Variants in NUCB1 observed in about 807,000 individuals in gnomAD.
The protein encoded by NUCB1 is nucleobindin-1.
Under a neutral mutation model 61.2 loss-of-function variants are expected in NUCB1, and 47 were observed. That is an observed-to-expected ratio of 0.77 (90% CI 0.61 to 0.98). The LOEUF is 0.98. NUCB1 is among the 50% of genes least tolerant of loss of function. The probability of loss-of-function intolerance (pLI) is 0.00; values close to 1 mark genes in which losing one functional copy is unlikely to be tolerated. For synonymous variants in NUCB1, 234 were observed against 243.1 expected (o/e 0.96, Z 0.35); for missense variants, 583 against 605.3 (o/e 0.96, Z 0.39).
At chr19:48,907,775 A>C (rs76470840) in intron 4 of NUCB1, among the ~76,000 whole-genome samples, 1 of 151,996 alleles carries the variant, frequency 6.6e-6, no homozygotes, top group Non-Finnish European at 1.5e-5. Flanking sequence ...GCCCGCATTC[A>C]TGTTCCTCTT....
chr19:48,905,803 C>T lies in NUCB1; in HGVS notation c.294C>T (p.Thr98=). ...ELDFVSHHVR[T]KLDELKRQEV... ...ACTTTGTCAGCCACCACGTCCGCACCAAGCTGGATGAGCTCAAGCGACAGG... is the reference window on the plus strand; with the variant it reads ...ACTTTGTCAGCCACCACGTCCGCACTAAGCTGGATGAGCTCAAGCGACAGG... Residue 98 remains threonine, a synonymous_variant, in exon 4 of 13, where the codon ACC becomes ACT. Transcript: ENST00000405315. 1 of 1,613,464 alleles carries T rather than the reference C, an allele frequency of 6.2e-7. No homozygotes were observed. Among genetic ancestry groups the T allele is most frequent in the Non-Finnish European group, 8.5e-7 (1 of 1,179,766 alleles).
intron 3 of NUCB1, among the ~76,000 whole-genome samples, chr19:48,904,682 C>G (rs2037393936): frequency 6.6e-6 from 1 of 152,076 alleles, no homozygotes; most frequent in African/African-American, 2.4e-5. Context: ...CACCACCATG[C>G]CTGACTAATT....
rs375691088 is a variant in NUCB1 at position 48,913,170 on chromosome 19, C to T, written c.640C>T (p.Arg214Cys). Residue 214 changes from arginine to cysteine, a missense_variant, in exon 6 of 13, where the codon CGC (arginine) becomes TGC (cysteine). Arg to Cys is a radical substitution (Grantham distance 180). Coordinates refer to ENST00000405315, the MANE Select transcript of NUCB1 (RefSeq NM_006184.6). ...GCTGGAAGAGCAACAGCGCCGGCAC[C>T]GCGAGCACCCTAAAGTCAACGTGCC... ...RKLEEQQRRH[R>C]EHPKVNVPGS... 8 of 1,613,328 alleles carry T rather than the reference C, an allele frequency of 5.0e-6. No individual in the cohort carries two copies. The highest frequency in any genetic ancestry group is 1.7e-5 in the Admixed American group (1 of 59,798).
intron 7 of NUCB1, among the ~76,000 whole-genome samples, chr19:48,917,312 T>C (rs192733743): frequency 6.6e-6 from 1 of 152,090 alleles, no homozygotes; most frequent in Non-Finnish European, 1.5e-5. Context: ...TCCCTATACC[T>C]TTTTTTATTT....
intron 4 of NUCB1, among the ~76,000 whole-genome samples, chr19:48,909,816 A>T (rs2037452499): frequency 6.6e-6 from 1 of 152,116 alleles, no homozygotes. Flanking sequence ...TGCTGGGATT[A>T]CAGGCATGAG....
intron 4 of NUCB1, among the ~76,000 whole-genome samples, chr19:48,908,183 T>C (rs2037432219): frequency 6.6e-6 from 1 of 152,112 alleles, no homozygotes; most frequent in South Asian, 2.1e-4. Context: ...CAGGCTGGAG[T>C]GCAGTGGCGC....
chr19:48,905,707 A>C (rs778545384), intron 3 of NUCB1, 46 bp from the exon 4 acceptor site: 3 of 1,610,750 alleles, frequency 1.9e-6, no homozygotes, highest in Non-Finnish European at 2.5e-6. Flanking sequence ...TCCAGAGAAG[A>C]CAGAGAGCAG....
intron 3 of NUCB1, among the ~76,000 whole-genome samples, chr19:48,904,903 T>A (rs1171317558): frequency 6.6e-6 from 1 of 152,162 alleles, no homozygotes; most frequent in Non-Finnish European, 1.5e-5. Context: ...AGGGAGAAGT[T>A]GCTTCTTGGG....
chr19:48,905,955 A>T (rs2037407585), intron 4 of NUCB1, 70 bp downstream of exon 4: 1 of 1,436,168 alleles, frequency 7.0e-7, no homozygotes, highest in African/African-American at 1.6e-5. Flanking sequence ...CCCGGCCTCC[A>T]GGTGGTTGTG....
intron 10 of NUCB1, 33 bp downstream of exon 10, chr19:48,919,319 CCTCT>C (rs769787473): frequency 5.2e-5 from 79 of 1,511,128 alleles, no homozygotes; most frequent in Non-Finnish European, 6.3e-5. Flanking sequence ...GGGTCCTGAA[CCTCT>C]CTCTCTTCTA....
At chr19:48,901,842 C>G (rs2037356175) in intron 2 of NUCB1, among the ~76,000 whole-genome samples, 1 of 152,174 alleles carries the variant, frequency 6.6e-6, no homozygotes, top group Non-Finnish European at 1.5e-5. Flanking sequence ...TGTTCCTGGT[C>G]CCCACGCTGC....
intron 10 of NUCB1, 63 bp from the exon 11 acceptor site, chr19:48,921,091 C>T (rs2037604047): frequency 2.6e-6 from 4 of 1,524,406 alleles, no homozygotes; most frequent in Non-Finnish European, 3.5e-6. Flanking sequence ...GCACAACCCT[C>T]TCCAACATGG....
intron 7 of NUCB1, among the ~76,000 whole-genome samples, chr19:48,916,171 C>CGTGT (rs143557740): frequency 0.038 from 5,581 of 147,746 alleles, 264 homozygotes; most frequent in African/African-American, 0.12. Flanking sequence ...TGGTATTTGT[C>CGTGT]GTGTGTGTGT....
intron 7 of NUCB1, among the ~76,000 whole-genome samples, chr19:48,915,488 G>C (rs556749028): frequency 1.0e-3 from 152 of 152,210 alleles, no homozygotes; most frequent in African/African-American, 3.5e-3. Context: ...CTGGGCAACA[G>C]AGTGAGACTC....
chr19:48,919,452 CTTATTTATTTATTTATTTAT>C (rs35642334), intron 10 of NUCB1, among the ~76,000 whole-genome samples, 166 bp downstream of exon 10: 1 of 141,854 alleles, frequency 7.0e-6, no homozygotes, highest in Non-Finnish European at 1.5e-5. Flanking sequence ...CTCTAGGACT[CTTATTTATTTATTTATTTAT>C]TTATTTATTT....
Position 48,904,431 on chromosome 19 carries a change from G to C in NUCB1, c.220G>C (p.Ala74Pro). The C allele has an allele frequency of 6.2e-7, 1 of 1,613,218 alleles. No homozygotes were observed. Residue 74 changes from alanine to proline, a missense_variant, in exon 3 of 13, where the codon GCT becomes CCT. Ala to Pro is a conservative substitution (Grantham distance 27). Coordinates refer to ENST00000405315, the MANE Select transcript of NUCB1 (RefSeq NM_006184.6). The part of the protein sequence containing the change: ...TDGHFREKLQ[A>P]ANAEDIKSGK... ...TGGGCATTTCCGAGAGAAGCTGCAGGCTGCCAATGCGGAGGACATCAAGGT... is the reference window on the plus strand; with the variant it reads ...TGGGCATTTCCGAGAGAAGCTGCAGCCTGCCAATGCGGAGGACATCAAGGT...
rs2037629896 is a variant in NUCB1, at chr19:48,923,060, A to G, written c.*636A>G. 6.5e-6 allele frequency: 1 copy of G among 153,342 alleles called. No homozygotes were observed. The highest frequency in any genetic ancestry group is 6.6e-5 in the Admixed American group (1 of 15,250). 9.5% of individuals were successfully genotyped at this position (153,342 alleles called of 1,614,324 possible). On this transcript the variant is annotated 3_prime_UTR_variant, in exon 13 of 13. Coordinates refer to ENST00000405315, the MANE Select transcript of NUCB1 (RefSeq NM_006184.6). ...CATCTCATCGCCAGCCTCCTCCTGG[A>G]CCTCTTGGCCCCCAGCCCCTTCCCC...
intron 5 of NUCB1, 70 bp downstream of exon 5, chr19:48,911,322 C>CCCTTCT: frequency 9.2e-7 from 1 of 1,092,054 alleles, no homozygotes; most frequent in Non-Finnish European, 1.4e-6. Flanking sequence ...GGACAGAGTC[C>CCCTTCT]CAGACGTGAG....
chr19:48,922,400 G>A lies in NUCB1; in HGVS notation c.1362G>A (p.Glu454=), dbSNP rs1568589983. ...AGAAACTTCTCGAGCGGCTCCCTGA[G>A]GTTGAGGTGCCCCAGCATCTGTGAT... ...SEKKLLERLP[E]VEVPQHL is the part of the protein sequence containing the mutation. Residue 454 remains glutamate (E), a synonymous_variant, in exon 13 of 13, where the codon GAG becomes GAA. Coordinates refer to ENST00000405315, the MANE Select transcript of NUCB1 (RefSeq NM_006184.6). 6.2e-7 allele frequency: 1 copy of A among 1,613,844 alleles called. No individual in the cohort carries two copies. The highest frequency in any genetic ancestry group is 2.2e-5 in the East Asian group (1 of 44,878).
Sources: gnomAD v4.1 joint callset for allele counts (sites outside exome capture counted in the v4.1 genomes callset) on GRCh38, gnomAD v4.1.1 for gene constraint, MANE v1.5 for transcripts, NCBI Gene and HGNC (gene_info 2026-07-23, HGNC 2026-07-21) for gene names.